Variants in KIF6 observed in about 807,000 individuals in gnomAD.
The protein encoded by KIF6 is kinesin family member 6, also known as kinesin-like protein KIF6.
Under a neutral mutation model 112.7 loss-of-function variants are expected in KIF6, and 106 were observed. The observed-to-expected ratio is 0.94, with a 90% CI of 0.80 to 1.11. KIF6 has a LOEUF of 1.11. Ranked by LOEUF, KIF6 falls within the 50% of genes least tolerant of loss-of-function variation. The pLI, the probability that KIF6 is intolerant of heterozygous loss-of-function variation, is 0.00. For synonymous variants in KIF6, 339 were observed against 339.9 expected, an observed-to-expected ratio of 1.00 and a Z score of 0.03; for missense variants, 929 against 964.0, an observed-to-expected ratio of 0.96 and a Z score of 0.48.
At chr6:39,371,166 C>A (rs1215404153) in intron 16 of KIF6, among the ~76,000 whole-genome samples, 1 of 152,170 alleles carries the variant, frequency 6.6e-6, no homozygotes, top group Non-Finnish European at 1.5e-5. Flanking sequence ...CCCTTGTGAG[C>A]CAGTGGGAGC....
intron 3 of KIF6, among the ~76,000 whole-genome samples, chr6:39,680,948 A>G (rs971462766): frequency 1.3e-5 from 2 of 152,202 alleles, no homozygotes; most frequent in African/African-American, 4.8e-5. Context: ...AGGCAGATAA[A>G]TACAATTACA....
rs780176736 is a variant in KIF6 at position 39,540,023 on chromosome 6, C to A, written c.1625G>T (p.Ser542Ile). 6.2e-7 allele frequency: 1 copy of A among 1,606,200 alleles called. No homozygotes were observed. The highest frequency in any genetic ancestry group is 1.7e-5 in the Admixed American group (1 of 58,116). ...QDFSILGKRSSLLHKKIGMRE... is the reference protein window; with the variant it reads ...QDFSILGKRSILLHKKIGMRE... Reference sequence around the variant, plus strand: ...CTGACCTATTTTCTTGTGGAGCAAACTGGATCTTTTCCCCAAAATGCTGAA... The same window carrying A: ...CTGACCTATTTTCTTGTGGAGCAAAATGGATCTTTTCCCCAAAATGCTGAA... The change falls in exon 13 of 23, where the codon AGT becomes ATT. Residue 542 changes from serine to isoleucine, a missense_variant. By Grantham distance (142) the Ser-to-Ile change is moderately radical. Transcript: ENST00000287152.
intron 13 of KIF6, among the ~76,000 whole-genome samples, chr6:39,454,777 G>A (rs1374111585): frequency 5.9e-5 from 9 of 151,996 alleles, no homozygotes; most frequent in African/African-American, 1.2e-4. Flanking sequence ...CTGGAAAATC[G>A]GGTCACTCCC....
At chr6:39,586,554 T>A (rs1364325794) in intron 7 of KIF6, 150 bp from the exon 8 acceptor site, 2 of 632,550 alleles carry the variant, frequency 3.2e-6, no homozygotes, top group Non-Finnish European at 5.6e-6. Context: ...ATAAATATCT[T>A]GACAACAATA....
chr6:39,687,895 A>G (rs974710768), intron 3 of KIF6, among the ~76,000 whole-genome samples: 17 of 152,220 alleles, frequency 1.1e-4, no homozygotes, highest in Admixed American at 2.6e-4. Flanking sequence ...TATATCAACA[A>G]GGACCCCAAT....
intron 14 of KIF6, among the ~76,000 whole-genome samples, chr6:39,430,548 C>T (rs748709189): frequency 1.4e-4 from 21 of 152,146 alleles, no homozygotes; most frequent in Non-Finnish European, 2.2e-4. Context: ...AGAGCACAGC[C>T]CCATCTGACA....
chr6:39,391,945 ATG>A (rs926530744), intron 15 of KIF6, among the ~76,000 whole-genome samples: 18 of 151,026 alleles, frequency 1.2e-4, no homozygotes, highest in Non-Finnish European at 2.5e-4. Flanking sequence ...ATATGAATGC[ATG>A]TATATATATA....
chr6:39,654,875 C>T (rs1488967337), intron 3 of KIF6, among the ~76,000 whole-genome samples: 7 of 152,314 alleles, frequency 4.6e-5, no homozygotes, highest in Middle Eastern at 3.4e-3. Flanking sequence ...TAGTATTTCA[C>T]AGTATAAATG....
chr6:39,514,452 A>G (rs1776951458), intron 13 of KIF6, among the ~76,000 whole-genome samples: 1 of 152,264 alleles, frequency 6.6e-6, no homozygotes, highest in Non-Finnish European at 1.5e-5. Flanking sequence ...AACGGTCAGA[A>G]AAACCTCTTT....
At chr6:39,671,304 C>T (rs1308229215) in intron 3 of KIF6, among the ~76,000 whole-genome samples, 1 of 152,192 alleles carries the variant, frequency 6.6e-6, no homozygotes, top group Non-Finnish European at 1.5e-5. Context: ...TTAGCTGCCT[C>T]AACCCTCCCT....
chr6:39,476,839 T>C (rs531561550), intron 13 of KIF6, among the ~76,000 whole-genome samples: 70 of 152,366 alleles, frequency 4.6e-4, no homozygotes, highest in Middle Eastern at 3.4e-3. Context: ...ATCTGTATGT[T>C]GCTTTTATAA....
intron 10 of KIF6, among the ~76,000 whole-genome samples, chr6:39,559,102 T>C (rs910970769): frequency 1.3e-5 from 2 of 152,200 alleles, no homozygotes; most frequent in Non-Finnish European, 2.9e-5. Context: ...TAGTGAATTA[T>C]ATTTCATGAA....
In KIF6 at chr6:39,535,558, T is replaced by C. The variant is rs147725492; in HGVS notation, c.1645+4445A>G. Among the ~76,000 whole-genome samples the C allele has an allele frequency of 4.6e-3, 696 of 152,310 alleles. 5 individuals carry two copies. Among genetic ancestry groups the C allele is most frequent in the Non-Finnish European group, 7.4e-3 (505 of 68,026 alleles). On this transcript the variant is annotated intron_variant, in intron 13 of 22. Transcript: ENST00000287152. ...ACCAATACAGGAGCACCCAGATGCA[T>C]AAAGCAAGTCCTGAGTGACCTATAA...
At chr6:39,593,999 A>G (rs867593138) in intron 7 of KIF6, among the ~76,000 whole-genome samples, 1 of 152,224 alleles carries the variant, frequency 6.6e-6, no homozygotes, top group African/African-American at 2.4e-5. Flanking sequence ...TTTTGTTCAC[A>G]CTAGGCTCCA....
chr6:39,607,029 T>C (rs1369889855), intron 6 of KIF6, among the ~76,000 whole-genome samples: 2 of 152,216 alleles, frequency 1.3e-5, no homozygotes, highest in Non-Finnish European at 2.9e-5. Context: ...CTTGTTTCAC[T>C]GAAGATGGCT....
intron 22 of KIF6, among the ~76,000 whole-genome samples, chr6:39,336,755 T>C (rs1019562084): frequency 3.3e-5 from 5 of 152,138 alleles, no homozygotes; most frequent in African/African-American, 4.8e-5. Flanking sequence ...TCCATCTCCC[T>C]AGGCTGAGAC....
chr6:39,489,498 C>A (rs1327547021), intron 13 of KIF6, among the ~76,000 whole-genome samples: 2 of 151,936 alleles, frequency 1.3e-5, no homozygotes, highest in African/African-American at 4.8e-5. Flanking sequence ...AATTTCCAAC[C>A]AGGATAGAAA....
intron 13 of KIF6, among the ~76,000 whole-genome samples, chr6:39,497,639 C>G (rs1324790461): frequency 1.3e-5 from 2 of 152,188 alleles, no homozygotes; most frequent in Non-Finnish European, 2.9e-5. Flanking sequence ...TCCACAGTGA[C>G]AGATCCCATG....
intron 7 of KIF6, among the ~76,000 whole-genome samples, chr6:39,593,627 C>T (rs769759812): frequency 3.9e-5 from 6 of 152,108 alleles, no homozygotes; most frequent in South Asian, 2.1e-4. Context: ...AATGAAACAT[C>T]GGTTACAGAG....
Sources: allele counts gnomAD v4.1 joint callset (sites outside exome capture counted in the v4.1 genomes callset), GRCh38; gene constraint gnomAD v4.1.1; transcripts MANE v1.5; gene names NCBI Gene and HGNC (gene_info 2026-07-23, HGNC 2026-07-21).